CACNA2D3: variants seen among roughly 807,000 people sequenced by gnomAD.
The protein encoded by CACNA2D3 is calcium voltage-gated channel auxiliary subunit alpha2delta 3, also known as voltage-dependent calcium channel subunit alpha-2/delta-3.
In CACNA2D3, 60 loss-of-function variants were observed where a neutral mutation model predicts 160.6. The ratio of observed to expected loss-of-function variants is 0.37; its 90% CI spans 0.30 to 0.46. The LOEUF is 0.46. Among genes scored for constraint, CACNA2D3 ranks in the 20% least tolerant of loss-of-function variants. CACNA2D3 has a pLI of 1.00. For synonymous variants in CACNA2D3, 558 were observed against 492.9 expected, an observed-to-expected ratio of 1.13 and a Z score of -1.75; for missense variants, 1,205 against 1,365.0, an observed-to-expected ratio of 0.88 and a Z score of 1.85.
chr3:54,701,630 TG>T, intron 11 of CACNA2D3, among the ~76,000 whole-genome samples: 1 of 152,314 alleles, frequency 6.6e-6, no homozygotes, highest in South Asian at 2.1e-4. Flanking sequence ...TTTATGCTCA[TG>T]GATGGGAAGA....
intron 2 of CACNA2D3, among the ~76,000 whole-genome samples, chr3:54,226,495 G>T (rs144083023): frequency 2.0e-4 from 30 of 152,032 alleles, no homozygotes; most frequent in Non-Finnish European, 4.0e-4. Context: ...TGAGACAAGG[G>T]TCTTGATATG....
At chr3:54,200,954 C>G (rs145622136) in intron 2 of CACNA2D3, among the ~76,000 whole-genome samples, 2 of 152,232 alleles carry the variant, frequency 1.3e-5, no homozygotes, top group Non-Finnish European at 2.9e-5. Context: ...AAGCAACTTG[C>G]TGAAATGATC....
Position 54,951,990 on chromosome 3 carries a change from A to G in CACNA2D3, c.2450-16460A>G, listed in dbSNP as rs545767278. 2.4e-3 allele frequency among the ~76,000 whole-genome samples: 366 copies of G among 152,288 alleles called. 3 individuals are homozygous for G. The highest frequency in any genetic ancestry group is 8.5e-3 in the African/African-American group (354 of 41,560). ...CAGCCTCCCAAGTAGCCGGGACTAC[A>G]GGTGCCTGCCACCATACCTGGCTAA... is the stretch of plus-strand genomic sequence containing the variant. On this transcript the variant is annotated intron_variant, in intron 27 of 37. Transcript: ENST00000474759.
chr3:54,693,302 C>A (rs144598532), intron 11 of CACNA2D3, among the ~76,000 whole-genome samples: 1 of 152,140 alleles, frequency 6.6e-6, no homozygotes, highest in African/African-American at 2.4e-5. Flanking sequence ...TATTCTTATG[C>A]GGTTTTTCCA....
intron 11 of CACNA2D3, among the ~76,000 whole-genome samples, chr3:54,673,802 A>G (rs1700197193): frequency 1.3e-5 from 2 of 152,152 alleles, no homozygotes; most frequent in Admixed American, 1.3e-4. Context: ...CTTTCTCAAT[A>G]TTTGACCTTC....
chr3:55,073,989 C>A, intron 37 of CACNA2D3, 125 bp from the exon 38 acceptor site: 2 of 1,077,110 alleles, frequency 1.9e-6, no homozygotes, highest in Non-Finnish European at 2.8e-6. Context: ...TAAACTGAAT[C>A]TGCACCATCA....
At chr3:54,665,792 T>TA (rs975491306) in intron 11 of CACNA2D3, among the ~76,000 whole-genome samples, 1 of 149,944 alleles carries the variant, frequency 6.7e-6, no homozygotes, top group African/African-American at 2.4e-5. Flanking sequence ...GATGGTTATT[T>TA]TTTTTTTTTT....
chr3:54,380,009 G>A (rs1016950151), intron 3 of CACNA2D3, among the ~76,000 whole-genome samples: 6 of 152,146 alleles, frequency 3.9e-5, no homozygotes, highest in Non-Finnish European at 7.3e-5. Context: ...CACTGTTAAC[G>A]GAGTGATAAA....
At chr3:54,226,376 T>C (rs1464048667) in intron 2 of CACNA2D3, among the ~76,000 whole-genome samples, 2 of 149,074 alleles carry the variant, frequency 1.3e-5, no homozygotes, top group African/African-American at 5.0e-5. Flanking sequence ...AGTGGCATTA[T>C]CACAGCTCTG....
At chr3:54,879,521 C>A in intron 20 of CACNA2D3, 110 bp downstream of exon 20, 1 of 798,944 alleles carries the variant, frequency 1.3e-6, no homozygotes, top group Non-Finnish European at 2.0e-6. Context: ...AAACACCCTG[C>A]CAAAAGGCTG....
At chr3:54,482,579 A>T (rs979164794) in intron 4 of CACNA2D3, among the ~76,000 whole-genome samples, 17 of 152,156 alleles carry the variant, frequency 1.1e-4, no homozygotes, top group Admixed American at 9.2e-4. Flanking sequence ...GCAGGGATTT[A>T]TATTATTTGT....
At chr3:54,137,035 G>A (rs747428377) in intron 2 of CACNA2D3, among the ~76,000 whole-genome samples, 1 of 152,106 alleles carries the variant, frequency 6.6e-6, no homozygotes, top group Non-Finnish European at 1.5e-5. Flanking sequence ...CTTCTCTCCC[G>A]GCCTGTGCAC....
chr3:54,715,064 G>T lies in CACNA2D3; in HGVS notation c.1168-37535G>T, dbSNP rs140230369. ...TTCTGACACTATCTACCTGGAGACA[G>T]GTTGAGGACTGTCCCTCAAGACTGC... is the stretch of plus-strand genomic sequence containing the variant. On this transcript the variant is annotated intron_variant, in intron 11 of 37. Coordinates refer to ENST00000474759, the MANE Select transcript of CACNA2D3 (RefSeq NM_018398.3). Among the ~76,000 whole-genome samples the T allele has an allele frequency of 1.1e-3, 174 of 152,244 alleles. 1 individual carries two copies. Among genetic ancestry groups the T allele is most frequent in the African/African-American group, 4.0e-3 (167 of 41,554 alleles).
chr3:54,212,214 G>T (rs984517976), intron 2 of CACNA2D3, among the ~76,000 whole-genome samples: 1 of 152,174 alleles, frequency 6.6e-6, no homozygotes, highest in Non-Finnish European at 1.5e-5. Flanking sequence ...ATATGCCCAA[G>T]GTGGTCGGGG....
intron 5 of CACNA2D3, among the ~76,000 whole-genome samples, chr3:54,540,825 C>T (rs1390840399): frequency 6.6e-6 from 1 of 152,114 alleles, no homozygotes; most frequent in Admixed American, 6.5e-5. Context: ...TTGTAGGTAT[C>T]CCCACAATCT....
chr3:54,135,265 A>G (rs1244509008), intron 2 of CACNA2D3, among the ~76,000 whole-genome samples: 1 of 151,796 alleles, frequency 6.6e-6, no homozygotes, highest in Non-Finnish European at 1.5e-5. Context: ...GCATCATCTT[A>G]CCTCTGCAAC....
intron 5 of CACNA2D3, among the ~76,000 whole-genome samples, chr3:54,516,130 C>A (rs1575498665): frequency 6.6e-6 from 1 of 152,206 alleles, no homozygotes; most frequent in African/African-American, 2.4e-5. Flanking sequence ...GAATGCCTGA[C>A]AACAGCACAG....
chr3:54,687,179 C>T lies in CACNA2D3; in HGVS notation c.1167+44938C>T, dbSNP rs1434892788. ...TTTTTGACACTGGGCCTCACCCTGT[C>T]ACCCAGGCTGGAGTGCAATGGTGCC... is the stretch of plus-strand genomic sequence containing the variant. On this transcript the variant is annotated intron_variant, in intron 11 of 37. Coordinates refer to ENST00000474759, the MANE Select transcript of CACNA2D3 (RefSeq NM_018398.3). 1.4e-4 allele frequency among the ~76,000 whole-genome samples: 19 copies of T among 133,008 alleles called. No individual in the cohort carries two copies. In the Admixed American group the frequency reaches 1.7e-3, roughly 12 times the overall value. 87.3% of individuals were successfully genotyped at this position (133,008 alleles called of 152,430 possible). A position where few individuals can be genotyped will look rare whatever the true frequency, so the allele number is the denominator to read the frequency against.
chr3:54,784,613 A>G (rs1702599211), intron 13 of CACNA2D3, among the ~76,000 whole-genome samples: 1 of 152,142 alleles, frequency 6.6e-6, no homozygotes, highest in South Asian at 2.1e-4. Context: ...GCAGGAAAGG[A>G]GTTGGGGCCA....
Sources: allele counts gnomAD v4.1 joint callset (sites outside exome capture counted in the v4.1 genomes callset), GRCh38; gene constraint gnomAD v4.1.1; transcripts MANE v1.5; gene names NCBI Gene and HGNC (gene_info 2026-07-23, HGNC 2026-07-21).